Variants in GLI2 observed in about 807,000 individuals in gnomAD.
GLI2 encodes transcription activator GLI2.
In GLI2, 22 loss-of-function variants were observed where a neutral mutation model predicts 78.9. The observed-to-expected ratio is 0.28, with a 90% CI of 0.20 to 0.40. GLI2 has a LOEUF of 0.40. GLI2 is among the 10% of genes least tolerant of loss of function. The pLI is 1.00. For missense variants in GLI2, 2,097 were observed against 2,213.2 expected (o/e 0.95, Z 1.05); for synonymous variants, 974 against 963.7 (o/e 1.01, Z -0.20).
chr2:120,936,984 G>A (rs1160274306), intron 3 of GLI2, among the ~76,000 whole-genome samples: 1 of 152,170 alleles, frequency 6.6e-6, no homozygotes, highest in Non-Finnish European at 1.5e-5. Flanking sequence ...CAGCACTGAT[G>A]GTATGTCTGG....
At chr2:120,841,781 A>G (rs1169551274) in intron 2 of GLI2, among the ~76,000 whole-genome samples, 1 of 150,744 alleles carries the variant, frequency 6.6e-6, no homozygotes, top group Non-Finnish European at 1.5e-5. Flanking sequence ...GCAGAGCAGA[A>G]TGCGTGGGCC....
At chr2:120,857,658 T>G (rs1687723967) in intron 2 of GLI2, among the ~76,000 whole-genome samples, 2 of 151,908 alleles carry the variant, frequency 1.3e-5, no homozygotes, top group South Asian at 4.2e-4. Flanking sequence ...TATCCATTCA[T>G]CCACCCACCA....
chr2:120,776,894 G>A (rs138466676), intron 1 of GLI2, among the ~76,000 whole-genome samples: 3 of 152,244 alleles, frequency 2.0e-5, no homozygotes, highest in South Asian at 2.1e-4. Context: ...AAGGGTCTGC[G>A]TGGGGAGCTG....
At position 120,970,427 on chromosome 2, in the gene GLI2, G is replaced by A. The variant is rs367810027; in HGVS notation, c.880G>A (p.Val294Met). 4.2e-5 allele frequency: 62 copies of A among 1,474,840 alleles called. 1 individual carries two copies. Among genetic ancestry groups the A allele is most frequent in the African/African-American group, 1.5e-4 (10 of 68,728 alleles). The allele number at this position is 1,474,840 out of a possible 1,614,324, so 91.4% of individuals were successfully genotyped here. A position where few individuals can be genotyped will look rare whatever the true frequency, so the allele number is the denominator to read the frequency against. Residue 294 changes from valine (V) to methionine (M), a missense_variant, in exon 7 of 14, where the codon GTG (valine) becomes ATG (methionine). Around this residue, in one of 5 missense-constraint regions of GLI2, gnomAD observed 578 missense variants for 612.0 expected, o/e 0.94. Transcript: ENST00000361492. ...CACCTTCCCCCACCCCATCAACCCC[G>A]TGGCCTACCAGCAGATTCTGAGCCA... Reference protein sequence around the residue: ...AFTFPHPINPVAYQQILSQQR... With the variant: ...AFTFPHPINPMAYQQILSQQR...
chr2:120,846,061 TA>T (rs1387188879), intron 2 of GLI2, among the ~76,000 whole-genome samples: 12 of 152,160 alleles, frequency 7.9e-5, no homozygotes, highest in Admixed American at 6.5e-4. Flanking sequence ...GAGATGTCAC[TA>T]GGGGGGTCCG....
rs575551539 is a variant in GLI2 at position 120,894,412 on chromosome 2, G to A, written c.149-32949G>A. 5.9e-5 allele frequency among the ~76,000 whole-genome samples: 9 copies of A among 152,302 alleles called. No homozygotes were observed. In the East Asian group the frequency reaches 1.7e-3, roughly 29 times the overall value. On this transcript the variant is annotated intron_variant, in intron 2 of 13. Coordinates refer to ENST00000361492, the MANE Select transcript of GLI2 (RefSeq NM_001374353.1). ...GCTGGGTTTCAGCTACGCCTCTGGG[G>A]GACTTTAGCCTTGAGTATACGCAGC...
chr2:120,834,065 G>A (rs138536463), intron 2 of GLI2, among the ~76,000 whole-genome samples: 62 of 152,242 alleles, frequency 4.1e-4, no homozygotes, highest in African/African-American at 1.0e-3. Context: ...GCCCCCAACC[G>A]CCACATCATC....
At chr2:120,746,805 T>C (rs897361312) in intron 1 of GLI2, among the ~76,000 whole-genome samples, 33 of 152,322 alleles carry the variant, frequency 2.2e-4, no homozygotes, top group African/African-American at 6.7e-4. Context: ...GTCTCTGTTT[T>C]TTAATATAAA....
chr2:120,821,484 T>G (rs1685773422), intron 2 of GLI2, among the ~76,000 whole-genome samples: 1 of 152,110 alleles, frequency 6.6e-6, no homozygotes. Context: ...TGGCCGAGAC[T>G]GTCAAATCCT....
chr2:120,799,239 C>CA (rs1334101521), intron 2 of GLI2, among the ~76,000 whole-genome samples: 1 of 152,194 alleles, frequency 6.6e-6, no homozygotes, highest in Non-Finnish European at 1.5e-5. Context: ...CAAAGGCCCT[C>CA]ACCTCCCAAC....
At chr2:120,935,227 C>T (rs566698427) in intron 3 of GLI2, among the ~76,000 whole-genome samples, 1 of 152,362 alleles carries the variant, frequency 6.6e-6, no homozygotes, top group South Asian at 2.1e-4. Flanking sequence ...CACCAGGCAA[C>T]TTGTCCTTCC....
chr2:120,918,516 C>T (rs747828835), intron 2 of GLI2, among the ~76,000 whole-genome samples: 1 of 151,008 alleles, frequency 6.6e-6, no homozygotes, highest in Non-Finnish European at 1.5e-5. Flanking sequence ...TCTCAGCTCA[C>T]TGCAACCTCC....
At chr2:120,790,874 C>G (rs1684134316) in intron 1 of GLI2, among the ~76,000 whole-genome samples, 2 of 152,118 alleles carry the variant, frequency 1.3e-5, no homozygotes, top group Non-Finnish European at 2.9e-5. Flanking sequence ...ACTGTCCCCC[C>G]AGGGCCCTGC....
At chr2:120,914,154 A>G (rs556415623) in intron 2 of GLI2, among the ~76,000 whole-genome samples, 1 of 152,258 alleles carries the variant, frequency 6.6e-6, no homozygotes, top group Non-Finnish European at 1.5e-5. Context: ...GCCGGGGACC[A>G]GTCAGCATTG....
intron 2 of GLI2, among the ~76,000 whole-genome samples, chr2:120,884,564 C>G (rs13410883): frequency 0.019 from 2,912 of 152,280 alleles, 98 homozygotes; most frequent in African/African-American, 0.065. Context: ...TGACCTTCCC[C>G]CTCACACATT....
In GLI2 at chr2:120,938,520, C is replaced by A. The variant is rs1295543576; in HGVS notation, c.254+11054C>A. ...ACAATTTTATAACTTAATTTCCCTACCAAAACATCAGTGTTTACTTAGTAA... is the reference window on the plus strand; with the variant it reads ...ACAATTTTATAACTTAATTTCCCTAACAAAACATCAGTGTTTACTTAGTAA... On this transcript the variant is annotated intron_variant, in intron 3 of 13. Coordinates refer to ENST00000361492, the MANE Select transcript of GLI2 (RefSeq NM_001374353.1). Among the ~76,000 whole-genome samples, 3 of 152,220 alleles carry A rather than the reference C, an allele frequency of 2.0e-5. No homozygotes were observed. The East Asian group carries it at 5.8e-4, about 29-fold the overall frequency.
At chr2:120,916,981 G>T (rs528731750) in intron 2 of GLI2, among the ~76,000 whole-genome samples, 1 of 152,278 alleles carries the variant, frequency 6.6e-6, no homozygotes, top group East Asian at 1.9e-4. Context: ...CAACTTCCCT[G>T]GGGATTGGGC....
chr2:120,766,450 C>T (rs1041126651), intron 1 of GLI2, among the ~76,000 whole-genome samples: 2 of 152,116 alleles, frequency 1.3e-5, no homozygotes, highest in African/African-American at 4.8e-5. Context: ...TGGGGGAAGC[C>T]CTTGAGTAGA....
chr2:120,967,948 G>A (rs1681940203), intron 5 of GLI2, among the ~76,000 whole-genome samples: 1 of 152,162 alleles, frequency 6.6e-6, no homozygotes, highest in African/African-American at 2.4e-5. Flanking sequence ...AAGAGTCTGG[G>A]GGCCGCCATC....
Sources: allele counts gnomAD v4.1 joint callset (sites outside exome capture counted in the v4.1 genomes callset), GRCh38; gene constraint gnomAD v4.1.1; regional missense constraint gnomAD v4.1.1; transcripts MANE v1.5; gene names NCBI Gene and HGNC (gene_info 2026-07-23, HGNC 2026-07-21).